SPMIP9: variants seen among roughly 807,000 people sequenced by gnomAD.
SPMIP9 encodes the protein protein SPMIP9.
At chr2:88,529,177 A>G in the SPMIP9 span, 1 of 1,613,754 alleles carries the variant, frequency 6.2e-7, no homozygotes, top group African/African-American at 1.3e-5. Context: ...AAGACCTGGG[A>G]CTCCCCGGCT....
chr2:88,529,263 C>T, the SPMIP9 span: 1 of 1,614,150 alleles, frequency 6.2e-7, no homozygotes, highest in East Asian at 2.2e-5. Flanking sequence ...TTCACATATC[C>T]AGCTTCCCAC....
At chr2:88,529,563 A>G in the SPMIP9 span, 1 of 1,218,390 alleles carries the variant, frequency 8.2e-7, no homozygotes, top group Admixed American at 2.5e-5. Flanking sequence ...TGAAAATAAA[A>G]CTGGAAAGAT....
At chr2:88,528,456 T>C in the SPMIP9 span, among the ~76,000 whole-genome samples, 2 of 152,330 alleles carry the variant, frequency 1.3e-5, no homozygotes, top group African/African-American at 4.8e-5. Context: ...TTTTCATTTG[T>C]CAGTTATATA....
chr2:88,528,500 C>G, the SPMIP9 span, among the ~76,000 whole-genome samples: 1 of 152,152 alleles, frequency 6.6e-6, no homozygotes, highest in African/African-American at 2.4e-5. Context: ...TGTGGTTTGT[C>G]TTTGCACTAA....
the SPMIP9 span, chr2:88,526,523 T>A: frequency 6.5e-7 from 1 of 1,531,326 alleles, no homozygotes; most frequent in Non-Finnish European, 9.1e-7. Context: ...AGTCCTGTCA[T>A]TCAATCAACT....
chr2:88,529,269 C>T, the SPMIP9 span: 1 of 1,614,148 alleles, frequency 6.2e-7, no homozygotes, highest in East Asian at 2.2e-5. Flanking sequence ...TATCCAGCTT[C>T]CCACGATCTG....
chr2:88,528,931 G>A, the SPMIP9 span: 2 of 930,850 alleles, frequency 2.1e-6, no homozygotes, highest in Non-Finnish European at 3.2e-6. Flanking sequence ...ACCATTCAAG[G>A]ACTAATTTAA....
the SPMIP9 span, chr2:88,529,409 C>A: frequency 3.7e-6 from 6 of 1,613,970 alleles, no homozygotes; most frequent in African/African-American, 8.0e-5. Flanking sequence ...TCCCTGTCTT[C>A]ATTGCCATAT....
chr2:88,525,620 C>T, the SPMIP9 span: 2 of 1,614,108 alleles, frequency 1.2e-6, no homozygotes, highest in South Asian at 1.1e-5. Flanking sequence ...GGCTAAACAA[C>T]TTGTCTGTGT....
chr2:88,529,210 G>A, the SPMIP9 span: 23 of 1,614,026 alleles, frequency 1.4e-5, 1 homozygote, highest in South Asian at 2.3e-4. Flanking sequence ...AGGAACATGA[G>A]GCCACGAGGG....
chr2:88,529,376 G>A, the SPMIP9 span: 7 of 1,614,128 alleles, frequency 4.3e-6, no homozygotes, highest in Admixed American at 1.7e-5. Flanking sequence ...GATGGCCAAA[G>A]GCTACCTGCT....
chr2:88,525,196 C>T, the SPMIP9 span, among the ~76,000 whole-genome samples: 1 of 152,206 alleles, frequency 6.6e-6, no homozygotes, highest in Non-Finnish European at 1.5e-5. Context: ...CTGTGCATAT[C>T]TGTGCAACTC....
chr2:88,529,213 C>T, the SPMIP9 span: 1 of 1,614,168 alleles, frequency 6.2e-7, no homozygotes, highest in Non-Finnish European at 8.5e-7. Flanking sequence ...AACATGAGGC[C>T]ACGAGGGAGG....
At chr2:88,529,413 G>A in the SPMIP9 span, 2 of 1,614,024 alleles carry the variant, frequency 1.2e-6, no homozygotes, top group African/African-American at 1.3e-5. Context: ...TGTCTTCATT[G>A]CCATATAGTC....
At chr2:88,528,135 TC>T in the SPMIP9 span, among the ~76,000 whole-genome samples, 19 of 149,688 alleles carry the variant, frequency 1.3e-4, no homozygotes, top group South Asian at 4.3e-4. Context: ...CTAAGCATTT[TC>T]CCTTTTTTTT....
At chr2:88,526,296 C>G in the SPMIP9 span, 1 of 811,612 alleles carries the variant, frequency 1.2e-6, no homozygotes, top group Non-Finnish European at 2.1e-6. Context: ...CTCTGAATGT[C>G]AGGCCCCAAA....
chr2:88,527,653 G>A, the SPMIP9 span, among the ~76,000 whole-genome samples: 1 of 152,048 alleles, frequency 6.6e-6, no homozygotes, highest in Non-Finnish European at 1.5e-5. Context: ...TACCGTATTT[G>A]TCGTTTCTGT....
At chr2:88,526,333 GA>G in the SPMIP9 span, 22 of 1,189,922 alleles carry the variant, frequency 1.8e-5, no homozygotes, top group African/African-American at 2.7e-4. Context: ...CAAACAGCAA[GA>G]AGCCATTGAA....
chr2:88,529,375 A>AG, the SPMIP9 span: 1 of 1,614,134 alleles, frequency 6.2e-7, no homozygotes, highest in Non-Finnish European at 8.5e-7. Context: ...AGATGGCCAA[A>AG]GGCTACCTGC....
Sources: allele counts gnomAD v4.1 joint callset (sites outside exome capture counted in the v4.1 genomes callset), GRCh38; gene constraint gnomAD v4.1.1; transcripts MANE v1.5; gene names NCBI Gene and HGNC (gene_info 2026-07-23, HGNC 2026-07-21).